The following EFCAB6 variants were observed in gnomAD, a reference collection of about 807,000 sequenced individuals.
EFCAB6 encodes EF-hand calcium binding domain 6.
EFCAB6 carries 156 observed loss-of-function variants against 169.8 expected under a neutral mutation model. That is an observed-to-expected ratio of 0.92 (90% CI 0.81 to 1.05). The LOEUF (loss-of-function observed/expected upper bound fraction) is 1.05. Ranked by LOEUF, EFCAB6 falls within the 50% of genes least tolerant of loss-of-function variation. The pLI, the probability that EFCAB6 is intolerant of heterozygous loss-of-function variation, is 0.00. For missense variants in EFCAB6, 1,800 were observed against 1,829.1 expected (o/e 0.98, Z 0.29); for synonymous variants, 698 against 676.4 (o/e 1.03, Z -0.50).
intron 26 of EFCAB6, among the ~76,000 whole-genome samples, chr22:43,565,673 C>A (rs1028481945): frequency 1.3e-5 from 2 of 151,918 alleles, no homozygotes; most frequent in Non-Finnish European, 2.9e-5. Flanking sequence ...ATTAGCTCAT[C>A]TGACTGTATG....
intron 20 of EFCAB6, among the ~76,000 whole-genome samples, chr22:43,618,791 T>C (rs944569732): frequency 7.2e-5 from 11 of 152,182 alleles, no homozygotes; most frequent in Non-Finnish European, 1.0e-4. Context: ...TGCACTTTTG[T>C]AATGGTGCCA....
intron 6 of EFCAB6, among the ~76,000 whole-genome samples, chr22:43,738,440 CAT>C (rs2060247106): frequency 6.6e-6 from 1 of 151,442 alleles, no homozygotes; most frequent in Non-Finnish European, 1.5e-5. Flanking sequence ...TACATATGCA[CAT>C]ATACTCACAT....
At chr22:43,586,241 T>C (rs2051054544) in intron 24 of EFCAB6, among the ~76,000 whole-genome samples, 1 of 152,058 alleles carries the variant, frequency 6.6e-6, no homozygotes, top group Non-Finnish European at 1.5e-5. Context: ...AATACCCTTT[T>C]ATAAGTTTCC....
chr22:43,533,315 C>T (rs796219965), intron 30 of EFCAB6: 2 of 152,220 alleles, frequency 1.3e-5, no homozygotes, highest in Non-Finnish European at 2.9e-5. Flanking sequence ...CCTTTTAGTT[C>T]CAATGTTGAC....
intron 17 of EFCAB6, among the ~76,000 whole-genome samples, chr22:43,656,943 G>A (rs1311853730): frequency 1.3e-5 from 2 of 152,206 alleles, no homozygotes; most frequent in African/African-American, 2.4e-5. Context: ...GTAGGAAACT[G>A]AACCTCCAGT....
intron 10 of EFCAB6, among the ~76,000 whole-genome samples, chr22:43,700,242 C>G (rs1254070736): frequency 6.6e-6 from 1 of 151,954 alleles, no homozygotes; most frequent in Non-Finnish European, 1.5e-5. Flanking sequence ...TGTCTTATTA[C>G]CAAGCTGTTA....
At chr22:43,582,316 A>C (rs1440558698) in intron 24 of EFCAB6, among the ~76,000 whole-genome samples, 3 of 151,110 alleles carry the variant, frequency 2.0e-5, no homozygotes, top group African/African-American at 7.3e-5. Flanking sequence ...TTTGAGGATG[A>C]AATGGTCCTT....
rs2047615304 is a variant in EFCAB6 at position 43,540,152 on chromosome 22, C to T, written c.3854G>A (p.Gly1285Glu). Residue 1285 changes from glycine to glutamate, a missense_variant, in exon 28 of 32, where the codon GGG (glycine) becomes GAG (glutamate). Coordinates refer to ENST00000262726, the MANE Select transcript of EFCAB6 (RefSeq NM_022785.4). ...LSLPTQELRPGSKSQSHPCTP... is the reference protein window; with the variant it reads ...LSLPTQELRPESKSQSHPCTP... ...ACAGGGGTGGCTCTGCGACTTTGACCCTGGTCTCAGCTCCTGAGTGGGCAA... is the reference window on the plus strand; with the variant it reads ...ACAGGGGTGGCTCTGCGACTTTGACTCTGGTCTCAGCTCCTGAGTGGGCAA... 1 of 1,614,116 alleles carries T rather than the reference C, an allele frequency of 6.2e-7. No homozygotes were observed. Among genetic ancestry groups the T allele is most frequent in the East Asian group, 2.2e-5 (1 of 44,878 alleles).
intron 26 of EFCAB6, among the ~76,000 whole-genome samples, chr22:43,557,825 G>A (rs752143147): frequency 7.1e-4 from 108 of 152,190 alleles, no homozygotes; most frequent in African/African-American, 2.3e-3. Context: ...GATCAACTAC[G>A]GTTTATTTCA....
At chr22:43,685,857 T>C (rs1395251078) in intron 11 of EFCAB6, among the ~76,000 whole-genome samples, 1 of 152,224 alleles carries the variant, frequency 6.6e-6, no homozygotes, top group East Asian at 1.9e-4. Context: ...ATCTAAGTGT[T>C]TATGCTTGAA....
chr22:43,677,171 T>C (rs542675205), intron 13 of EFCAB6, among the ~76,000 whole-genome samples: 2 of 152,314 alleles, frequency 1.3e-5, no homozygotes, highest in South Asian at 4.1e-4. Flanking sequence ...CTATTAAAGT[T>C]ATAGAAACAT....
At chr22:43,713,936 C>T (rs76236956) in intron 9 of EFCAB6, among the ~76,000 whole-genome samples, 125 of 152,020 alleles carry the variant, frequency 8.2e-4, no homozygotes, top group African/African-American at 2.3e-3. Context: ...ACAAAGAACC[C>T]GGAATGGAAG....
intron 26 of EFCAB6, among the ~76,000 whole-genome samples, chr22:43,574,984 C>T (rs1333106991): frequency 2.0e-5 from 3 of 152,144 alleles, no homozygotes; most frequent in Non-Finnish European, 4.4e-5. Context: ...AACATGGACC[C>T]GCCCTCCCAT....
At chr22:43,693,283 A>G (rs2147201436) in intron 10 of EFCAB6, among the ~76,000 whole-genome samples, 1 of 152,186 alleles carries the variant, frequency 6.6e-6, no homozygotes, top group African/African-American at 2.4e-5. Context: ...AACAGTGACA[A>G]GTCATGTTGA....
intron 17 of EFCAB6, among the ~76,000 whole-genome samples, chr22:43,660,597 G>A (rs1345182640): frequency 1.3e-5 from 2 of 151,688 alleles, no homozygotes; most frequent in Non-Finnish European, 2.9e-5. Context: ...CCCCCTTATA[G>A]ATAGGTATGG....
intron 24 of EFCAB6, among the ~76,000 whole-genome samples, chr22:43,587,704 T>C (rs1181364731): frequency 2.6e-5 from 4 of 152,368 alleles, no homozygotes; most frequent in East Asian, 1.9e-4. Context: ...CTTAGTTGTG[T>C]GTATCTATAA....
intron 26 of EFCAB6, among the ~76,000 whole-genome samples, chr22:43,566,998 G>A (rs572958501): frequency 1.3e-4 from 20 of 152,040 alleles, no homozygotes; most frequent in Admixed American, 5.2e-4. Flanking sequence ...AGGAAGCCCC[G>A]TCTCCTGGTA....
intron 17 of EFCAB6, among the ~76,000 whole-genome samples, chr22:43,664,635 C>G (rs940491524): frequency 2.0e-5 from 3 of 152,314 alleles, no homozygotes; most frequent in East Asian, 3.9e-4. Context: ...CATGCAGTTA[C>G]CCAAGGAGCC....
At chr22:43,608,380 G>GC in intron 22 of EFCAB6, 102 bp downstream of exon 22, 1 of 943,792 alleles carries the variant, frequency 1.1e-6, no homozygotes, top group Non-Finnish European at 1.6e-6. Flanking sequence ...AATACTCCCA[G>GC]CCCCCAGTTA....
Sources: allele counts gnomAD v4.1 joint callset (sites outside exome capture counted in the v4.1 genomes callset), GRCh38; gene constraint gnomAD v4.1.1; transcripts MANE v1.5; gene names NCBI Gene and HGNC (gene_info 2026-07-23, HGNC 2026-07-21).